ZNF462: variants seen among roughly 807,000 people sequenced by gnomAD.
The protein encoded by ZNF462 is zinc finger PBX1-interacting protein.
In ZNF462, 10 loss-of-function variants were observed where a neutral mutation model predicts 201.9. That is an observed-to-expected ratio of 0.05 (90% CI 0.03 to 0.08). ZNF462 has a LOEUF of 0.08. Among genes scored for constraint, ZNF462 ranks in the 10% least tolerant of loss-of-function variants. The probability of loss-of-function intolerance (pLI) is 1.00; values close to 1 mark genes in which losing one functional copy is unlikely to be tolerated. For missense variants in ZNF462, 2,523 were observed against 3,168.3 expected (o/e 0.80, Z 4.89); for synonymous variants, 1,227 against 1,193.3 (o/e 1.03, Z -0.58).
Position 106,927,282 on chromosome 9 carries a change from C to T in ZNF462, c.3370C>T (p.Arg1124Trp), listed in dbSNP as rs899320946. The T allele has an allele frequency of 3.8e-6, 6 of 1,582,308 alleles. No homozygotes were observed. The highest frequency in any genetic ancestry group is 2.8e-5 in the African/African-American group (2 of 72,652). Residue 1124 changes from arginine (R) to tryptophan (W), a missense_variant, in exon 3 of 13, where the codon CGG becomes TGG. Transcript: ENST00000277225. Reference sequence around the variant, plus strand: ...CTGCAAACACTGTTCCTACAGCAATCGGTCAGTTGTGGGAGTGCTTGTCCA... The same window carrying T: ...CTGCAAACACTGTTCCTACAGCAATTGGTCAGTTGTGGGAGTGCTTGTCCA... Reference protein sequence around the residue: ...YYCKHCSYSNRSVVGVLVHYQ... With the variant: ...YYCKHCSYSNWSVVGVLVHYQ...
In ZNF462 at chr9:107,010,078, C is replaced by G. The variant is rs768854501; in HGVS notation, c.7313+410C>G. On this transcript the variant is annotated intron_variant, in intron 12 of 12. Transcript: ENST00000277225. This position sits in a 1 kb window ranked among gnomAD's most constrained non-coding sequence, Gnocchi z 4.6. ...CCCTGAACATTCCCATGTACTGCCT[C>G]GGGGACAGAGCCAGCTTCTGCCTGC... Among the ~76,000 whole-genome samples, 2 of 152,104 alleles carry G rather than the reference C, an allele frequency of 1.3e-5. No homozygotes were observed. The highest frequency in any genetic ancestry group is 2.9e-5 in the Non-Finnish European group (2 of 68,014).
In ZNF462 at chr9:107,008,363, A is replaced by C. The variant is rs1190706758; in HGVS notation, c.7190-1182A>C. Among the ~76,000 whole-genome samples, 1 of 152,190 alleles carries C rather than the reference A, an allele frequency of 6.6e-6. No individual in the cohort carries two copies. The highest frequency in any genetic ancestry group is 2.4e-5 in the African/African-American group (1 of 41,452). On this transcript the variant is annotated intron_variant, in intron 11 of 12. Transcript: ENST00000277225. The surrounding 1 kb of genome is among the most constrained non-coding windows in gnomAD (Gnocchi z 4.8). ...TTTTGTTAAATCTGGCCCCAGTCAC[A>C]TAGCTGTTTGTGCTGAAGATTAAGG...
At position 106,943,059 on chromosome 9, in the gene ZNF462, C is replaced by CGCGTGTGTGTGTGT. The variant is rs374167214; in HGVS notation, c.6427+3953_6427+3954insCGTGTGTGTGTGTG. Among the ~76,000 whole-genome samples, 155 of 143,236 alleles carry CGCGTGTGTGTGTGT rather than the reference C, an allele frequency of 1.1e-3. 1 individual carries two copies. The highest frequency in any genetic ancestry group is 3.9e-3 in the African/African-American group (149 of 37,940). The allele number at this position is 143,236 out of a possible 152,430, so 94.0% of individuals were successfully genotyped here. A position where few individuals can be genotyped will look rare whatever the true frequency, so the allele number is the denominator to read the frequency against. ...GTAACATAGTTTTGTTTTGCGCGCG[C>CGCGTGTGTGTGTGT]GTGTGTGTGTGTGTGTGTGTGTGTG... On this transcript the variant is annotated intron_variant, in intron 7 of 12. Coordinates refer to ENST00000277225, the MANE Select transcript of ZNF462 (RefSeq NM_021224.6).
rs533187362 is a variant in ZNF462, at chr9:107,002,113, A to G, written c.7057-1181A>G. Among the ~76,000 whole-genome samples the G allele has an allele frequency of 1.1e-3, 175 of 152,276 alleles. 6 individuals are homozygous for G. The South Asian group carries it at 0.035, about 31-fold the overall frequency. ...AATCTTTGTTCCAGTCTGGTCCCAA[A>G]GACTATTTTGGAATTGTCTTGTAAA... On this transcript the variant is annotated intron_variant, in intron 10 of 12. Coordinates refer to ENST00000277225, the MANE Select transcript of ZNF462 (RefSeq NM_021224.6).
intron 7 of ZNF462, among the ~76,000 whole-genome samples, chr9:106,941,303 T>C (rs1163371185): frequency 6.6e-6 from 1 of 152,234 alleles, no homozygotes; most frequent in Non-Finnish European, 1.5e-5. Context: ...GTTTAGATGA[T>C]ACTATTAGCG....
At chr9:106,986,246 A>G (rs1827822990) in intron 10 of ZNF462, among the ~76,000 whole-genome samples, 1 of 152,170 alleles carries the variant, frequency 6.6e-6, no homozygotes, top group Non-Finnish European at 1.5e-5. Context: ...GCTTTGAGGT[A>G]TGGATCATGG....
chr9:106,948,280 A>G lies in ZNF462; in HGVS notation c.6427+9173A>G, dbSNP rs571187843. Among the ~76,000 whole-genome samples the G allele has an allele frequency of 7.6e-4, 116 of 152,262 alleles. 2 individuals carry two copies. The highest frequency in any genetic ancestry group is 2.6e-3 in the African/African-American group (108 of 41,554). On this transcript the variant is annotated intron_variant, in intron 7 of 12. Transcript: ENST00000277225. ...AGGAGTACTTAACACTGGGAAGAGG[A>G]CTTTGGATTTATTAAGAAACAGACT...
In ZNF462 at chr9:107,009,291, G is replaced by T; in HGVS notation, c.7190-254G>T. ...CGGCTCTTCAGTCAAGAAAGACCCAGATTTTGTGATAGAAGCATTGGGGAG... is the reference window on the plus strand; with the variant it reads ...CGGCTCTTCAGTCAAGAAAGACCCATATTTTGTGATAGAAGCATTGGGGAG... On this transcript the variant is annotated intron_variant, in intron 11 of 12. Coordinates refer to ENST00000277225, the MANE Select transcript of ZNF462 (RefSeq NM_021224.6). The surrounding 1 kb of genome is among the most constrained non-coding windows in gnomAD (Gnocchi z 6.1). The T allele has an allele frequency of 2.2e-6, 1 of 452,536 alleles. No homozygotes were observed. 28.0% of individuals were successfully genotyped at this position (452,536 alleles called of 1,614,324 possible).
In ZNF462 at chr9:106,885,638, A is replaced by G. The variant is rs2136693; in HGVS notation, c.-31+22283A>G. The stretch of plus-strand genomic sequence containing the variant: ...CTTGTTAACCCTGAGATGTTGCTGA[A>G]AAGTGACTCAGATCACCGTGGCAAA... On this transcript the variant is annotated intron_variant, in intron 1 of 12. Transcript: ENST00000277225. This position sits in a 1 kb window ranked among gnomAD's most constrained non-coding sequence, Gnocchi z 4.1. Among the ~76,000 whole-genome samples, 37,137 of 152,194 alleles carry G rather than the reference A, an allele frequency of 0.24. 5,460 individuals carry two copies. Among genetic ancestry groups the G allele is most frequent in the African/African-American group, 0.41 (17,003 of 41,496 alleles).
chr9:106,988,842 G>A (rs530600029), intron 10 of ZNF462, among the ~76,000 whole-genome samples: 46 of 152,092 alleles, frequency 3.0e-4, no homozygotes, highest in African/African-American at 1.1e-3. Flanking sequence ...TCCACTGGTC[G>A]CTGTTGATGT....
rs187880591 is a variant in ZNF462, at chr9:106,950,580, T to C, written c.6427+11473T>C. Among the ~76,000 whole-genome samples, 14 of 152,312 alleles carry C rather than the reference T, an allele frequency of 9.2e-5. No individual in the cohort carries two copies. The highest frequency in any genetic ancestry group is 9.2e-4 in the Admixed American group (14 of 15,298). ...GCAAGAGTAATGCCATCAATATGTCTATTAGAAGAAACATAATAATTGTCA... is the reference window on the plus strand; with the variant it reads ...GCAAGAGTAATGCCATCAATATGTCCATTAGAAGAAACATAATAATTGTCA... On this transcript the variant is annotated intron_variant, in intron 7 of 12. Coordinates refer to ENST00000277225, the MANE Select transcript of ZNF462 (RefSeq NM_021224.6). This position sits in a 1 kb window ranked among gnomAD's most constrained non-coding sequence, Gnocchi z 4.1.
intron 7 of ZNF462, among the ~76,000 whole-genome samples, chr9:106,940,667 T>C (rs1356418521): frequency 2.0e-5 from 3 of 152,188 alleles, no homozygotes; most frequent in African/African-American, 7.2e-5. Flanking sequence ...AGGCTTGTTA[T>C]GATGGCTACG....
intron 1 of ZNF462, among the ~76,000 whole-genome samples, chr9:106,869,127 C>A (rs1462441494): frequency 6.6e-6 from 1 of 152,148 alleles, no homozygotes; most frequent in Non-Finnish European, 1.5e-5. Flanking sequence ...CAATAGTGCC[C>A]ACAATTGGAC....
rs915449486 is a variant in ZNF462, at chr9:106,919,630, C to T, written c.-30-3724C>T. ...ACCCCACATTTTGAAATCCTTCAAA[C>T]TGTAAATGCAAACTGAACAAACCAG... is the stretch of plus-strand genomic sequence containing the variant. On this transcript the variant is annotated intron_variant, in intron 1 of 12. Transcript: ENST00000277225. The surrounding 1 kb of genome is among the most constrained non-coding windows in gnomAD (Gnocchi z 4.5). Among the ~76,000 whole-genome samples, 7 of 152,306 alleles carry T rather than the reference C, an allele frequency of 4.6e-5. No individual in the cohort carries two copies. Among genetic ancestry groups the T allele is most frequent in the Admixed American group, 3.9e-4 (6 of 15,298 alleles).
chr9:106,884,598 G>A (rs1038846358), intron 1 of ZNF462, among the ~76,000 whole-genome samples: 1 of 152,022 alleles, frequency 6.6e-6, no homozygotes. Context: ...CAGAATATCT[G>A]TCATTCATCA....
At chr9:106,988,899 T>G (rs549635550) in intron 10 of ZNF462, among the ~76,000 whole-genome samples, 1 of 152,290 alleles carries the variant, frequency 6.6e-6, no homozygotes, top group African/African-American at 2.4e-5. Context: ...ATCTGGAAAC[T>G]TTGCTGAATT....
intron 7 of ZNF462, among the ~76,000 whole-genome samples, chr9:106,947,188 C>T (rs562898697): frequency 2.0e-5 from 3 of 152,296 alleles, no homozygotes; most frequent in African/African-American, 7.2e-5. Context: ...GTTTCCGAGT[C>T]GTCAAGTTCA....
At chr9:106,953,743 C>G (rs547026643) in intron 7 of ZNF462, among the ~76,000 whole-genome samples, 1 of 152,286 alleles carries the variant, frequency 6.6e-6, no homozygotes, top group South Asian at 2.1e-4. Context: ...CTGAGACCCT[C>G]TGTTCTAACT....
At chr9:106,940,141 G>C (rs1413356588) in intron 7 of ZNF462, among the ~76,000 whole-genome samples, 2 of 152,132 alleles carry the variant, frequency 1.3e-5, no homozygotes, top group Non-Finnish European at 2.9e-5. Context: ...GGCAATCTTA[G>C]CTTCTTGTAG....
Sources: gnomAD v4.1 joint callset for allele counts (sites outside exome capture counted in the v4.1 genomes callset) on GRCh38, gnomAD v4.1.1 for gene constraint, Gnocchi (gnomAD v3.1) non-coding constraint, MANE v1.5 for transcripts, NCBI Gene and HGNC (gene_info 2026-07-23, HGNC 2026-07-21) for gene names.